PDK1: variants seen among roughly 807,000 people sequenced by gnomAD.
PDK1 encodes the protein pyruvate dehydrogenase kinase 1.
PDK1 carries 39 observed loss-of-function variants against 54.2 expected under a neutral mutation model. That is an observed-to-expected ratio of 0.72 (90% CI 0.56 to 0.94). The LOEUF (loss-of-function observed/expected upper bound fraction) is 0.94, where lower values mean the gene tolerates loss of function less well. PDK1 is among the 40% of genes least tolerant of loss of function. The probability of loss-of-function intolerance (pLI) is 0.00; values close to 1 mark genes in which losing one functional copy is unlikely to be tolerated. For missense variants in PDK1, 552 were observed against 566.0 expected, an observed-to-expected ratio of 0.98 and a Z score of 0.25; for synonymous variants, 221 against 207.1, an observed-to-expected ratio of 1.07 and a Z score of -0.58.
At chr2:172,630,028 A>G in the PDK1 span, among the ~76,000 whole-genome samples, 1 of 152,184 alleles carries the variant, frequency 6.6e-6, no homozygotes, top group Non-Finnish European at 1.5e-5. Flanking sequence ...TTTGATATAT[A>G]AATACTTCAT....
At chr2:172,676,896 C>T in the PDK1 span, among the ~76,000 whole-genome samples, 1 of 152,184 alleles carries the variant, frequency 6.6e-6, no homozygotes, top group African/African-American at 2.4e-5. Context: ...CCACCCCATC[C>T]TTCAGCAACA....
the PDK1 span, among the ~76,000 whole-genome samples, chr2:172,635,403 C>T: frequency 6.6e-6 from 1 of 152,262 alleles, no homozygotes; most frequent in African/African-American, 2.4e-5. Context: ...GTAACCTCCC[C>T]CTCCCGGGTT....
the PDK1 span, among the ~76,000 whole-genome samples, chr2:172,643,072 G>C: frequency 6.6e-6 from 1 of 152,228 alleles, no homozygotes; most frequent in African/African-American, 2.4e-5. Flanking sequence ...GTAGCACTCA[G>C]TAACTCTGAT....
At chr2:172,571,476 C>T (rs953753233) in intron 8 of PDK1, among the ~76,000 whole-genome samples, 5 of 152,160 alleles carry the variant, frequency 3.3e-5, no homozygotes, top group Admixed American at 6.5e-5. Flanking sequence ...CAATCCTCCT[C>T]CCATGGCTTC....
chr2:172,606,891 C>T lies in PDK1; in HGVS notation c.*10922C>T, dbSNP rs1691316451. On this transcript the variant is annotated 3_prime_UTR_variant, in exon 11 of 11. Transcript: ENST00000282077. ...CATTTTTATCACCCTAAAAGGAAAC[C>T]TTGCACCCATTAAACAGTGGTAGTT... 1 of 152,108 alleles carries T rather than the reference C, an allele frequency of 6.6e-6. No individual in the cohort carries two copies. The highest frequency in any genetic ancestry group is 2.1e-4 in the South Asian group (1 of 4,832). The allele number at this position is 152,108 out of a possible 1,614,324, so 9.4% of individuals were successfully genotyped here. A position where few individuals can be genotyped will look rare whatever the true frequency, so the allele number is the denominator to read the frequency against.
upstream of PDK1, chr2:172,555,671 T>G (rs1013000068): frequency 6.6e-6 from 1 of 152,522 alleles, no homozygotes; most frequent in Non-Finnish European, 1.5e-5. Flanking sequence ...AACGCCGCCC[T>G]GTCCTTGAGC....
the PDK1 span, among the ~76,000 whole-genome samples, chr2:172,713,832 C>G: frequency 1.2e-4 from 19 of 152,196 alleles, no homozygotes; most frequent in African/African-American, 4.3e-4. Context: ...GTTCCCGGCT[C>G]CCCCGGCTCC....
the PDK1 span, among the ~76,000 whole-genome samples, chr2:172,627,580 A>G: frequency 5.3e-5 from 8 of 152,204 alleles, no homozygotes; most frequent in Admixed American, 2.0e-4. Context: ...TCCCTTGGAC[A>G]TCAGATGTGA....
At chr2:172,584,666 T>A (rs982216374) in intron 8 of PDK1, among the ~76,000 whole-genome samples, 1 of 143,704 alleles carries the variant, frequency 7.0e-6, no homozygotes, top group Non-Finnish European at 1.5e-5. Context: ...TTTTTTTTTT[T>A]TAAATAGAGG....
At chr2:172,678,422 G>C in the PDK1 span, among the ~76,000 whole-genome samples, 1 of 152,114 alleles carries the variant, frequency 6.6e-6, no homozygotes, top group Non-Finnish European at 1.5e-5. Flanking sequence ...AGTCTCTAGG[G>C]AGTGGGATTG....
At chr2:172,660,680 T>A in the PDK1 span, among the ~76,000 whole-genome samples, 1 of 152,118 alleles carries the variant, frequency 6.6e-6, no homozygotes, top group Non-Finnish European at 1.5e-5. Context: ...TGTGACAGCC[T>A]CAAGGACACT....
chr2:172,705,735 T>C, the PDK1 span, among the ~76,000 whole-genome samples: 1 of 152,254 alleles, frequency 6.6e-6, no homozygotes, highest in Non-Finnish European at 1.5e-5. Flanking sequence ...ATGTTAAGGA[T>C]GGGATTAACC....
At chr2:172,588,663 T>G (rs1401601771) in intron 9 of PDK1, among the ~76,000 whole-genome samples, 1 of 152,144 alleles carries the variant, frequency 6.6e-6, no homozygotes, top group East Asian at 1.9e-4. Flanking sequence ...TGACATCGCT[T>G]TGTAGATGGT....
At chr2:172,664,397 T>C in the PDK1 span, among the ~76,000 whole-genome samples, 1 of 151,464 alleles carries the variant, frequency 6.6e-6, no homozygotes, top group Non-Finnish European at 1.5e-5. Flanking sequence ...CTTTTACCTT[T>C]GTAAGTTATT....
At chr2:172,708,326 A>G in the PDK1 span, among the ~76,000 whole-genome samples, 5 of 152,280 alleles carry the variant, frequency 3.3e-5, no homozygotes, top group African/African-American at 1.2e-4. Flanking sequence ...AGATAATTAA[A>G]TTAAAACTAT....
In PDK1 at chr2:172,596,276, GT is replaced by G. The variant is rs34678111; in HGVS notation, c.*319del. On this transcript the variant is annotated 3_prime_UTR_variant, in exon 11 of 11. Coordinates refer to ENST00000282077, the MANE Select transcript of PDK1 (RefSeq NM_002610.5). ...ATCTTCGGGTTTCTATAGGAAACTAGTTTTTTTTTTTTAAGAAATACTTTCA... is the reference window on the plus strand; with the variant it reads ...ATCTTCGGGTTTCTATAGGAAACTAGTTTTTTTTTTTAAGAAATACTTTCA... 2.0e-3 allele frequency: 323 copies of G among 164,172 alleles called. No individual in the cohort carries two copies. Among genetic ancestry groups the G allele is most frequent in the East Asian group, 4.3e-3 (29 of 6,680 alleles). 10.2% of individuals were successfully genotyped at this position (164,172 alleles called of 1,614,324 possible). A position where few individuals can be genotyped will look rare whatever the true frequency, so the allele number is the denominator to read the frequency against.
At chr2:172,564,775 G>A (rs1300787198) in intron 4 of PDK1, 88 bp downstream of exon 4, 12 of 1,078,118 alleles carry the variant, frequency 1.1e-5, no homozygotes, top group African/African-American at 1.6e-5. Flanking sequence ...CATTTAGGTA[G>A]GAAATTTAGT....
chr2:172,695,364 G>A, the PDK1 span, among the ~76,000 whole-genome samples: 2 of 152,092 alleles, frequency 1.3e-5, no homozygotes, highest in Admixed American at 6.5e-5. Context: ...TCCACACCAG[G>A]TCCTGTGTTC....
At chr2:172,700,605 G>A in the PDK1 span, among the ~76,000 whole-genome samples, 7,676 of 152,130 alleles carry the variant, frequency 0.05, 388 homozygotes, top group African/African-American at 0.13. Flanking sequence ...ACGGGGTGGC[G>A]GCCAGGTAGA....
Sources: allele counts gnomAD v4.1 joint callset (sites outside exome capture counted in the v4.1 genomes callset), GRCh38; gene constraint gnomAD v4.1.1; transcripts MANE v1.5; gene names NCBI Gene and HGNC (gene_info 2026-07-23, HGNC 2026-07-21).